The following SP6 variants were observed in gnomAD, a reference collection of about 807,000 sequenced individuals.
The protein encoded by SP6 is Sp6 transcription factor.
A neutral mutation model predicts 23.4 loss-of-function variants in SP6; 10 were observed. The ratio of observed to expected loss-of-function variants is 0.43; its 90% CI spans 0.26 to 0.72. The LOEUF (loss-of-function observed/expected upper bound fraction) is 0.72. Ranked by LOEUF, SP6 falls within the 30% of genes least tolerant of loss-of-function variation. The pLI is 0.23. For missense variants in SP6, 482 were observed against 523.8 expected, an observed-to-expected ratio of 0.92 and a Z score of 0.78; for synonymous variants, 238 against 238.7, an observed-to-expected ratio of 1.00 and a Z score of 0.03.
At chr17:47,870,033 C>G in the SP6 span, among the ~76,000 whole-genome samples, 1 of 152,152 alleles carries the variant, frequency 6.6e-6, no homozygotes, top group Admixed American at 6.5e-5. Context: ...CCTGGTGAGG[C>G]TAGATTCTCA....
At chr17:47,856,671 G>A (rs1050035274), upstream of SP6, among the ~76,000 whole-genome samples, 1 of 152,178 alleles carries the variant, frequency 6.6e-6, no homozygotes, top group Non-Finnish European at 1.5e-5. Flanking sequence ...AAACAGAAGA[G>A]TAAGACTTGT....
upstream of SP6, among the ~76,000 whole-genome samples, chr17:47,859,501 T>C (rs2034020913): frequency 6.6e-6 from 1 of 152,192 alleles, no homozygotes; most frequent in African/African-American, 2.4e-5. Context: ...GGGCAAGAAC[T>C]CTATCCTTTC....
the SP6 span, among the ~76,000 whole-genome samples, chr17:47,862,046 G>GA: frequency 0.011 from 1,370 of 122,618 alleles, 19 homozygotes; most frequent in East Asian, 0.044. Flanking sequence ...CCCTGTCTCA[G>GA]AAAAAAAAAA....
the SP6 span, among the ~76,000 whole-genome samples, chr17:47,870,301 A>G: frequency 1.3e-5 from 2 of 151,470 alleles, no homozygotes; most frequent in East Asian, 1.9e-4. Context: ...TACCCTCTCC[A>G]CCTCTCGTGG....
the SP6 span, among the ~76,000 whole-genome samples, chr17:47,868,431 A>G: frequency 6.7e-3 from 1,020 of 152,244 alleles, 14 homozygotes; most frequent in African/African-American, 0.021. Context: ...GGGACGACCC[A>G]AGTCTTGGAA....
upstream of SP6, chr17:47,851,262 G>A (rs1366745345): frequency 0.025 from 3 of 122 alleles, no homozygotes; most frequent in Admixed American, 0.12. Context: ...CGGCTGGACC[G>A]GAGCCCAGCC....
At chr17:47,870,629 C>T in the SP6 span, among the ~76,000 whole-genome samples, 4 of 152,118 alleles carry the variant, frequency 2.6e-5, no homozygotes, top group African/African-American at 9.7e-5. Flanking sequence ...GGGTCCTAAG[C>T]TTGCTGGGTT....
rs1178477673 is a variant in SP6, at chr17:47,845,882, G to C, written c.*1417C>G. 1 of 152,184 alleles carries C rather than the reference G, an allele frequency of 6.6e-6. No homozygotes were observed. Among genetic ancestry groups the C allele is most frequent in the East Asian group, 1.9e-4 (1 of 5,178 alleles). 9.4% of individuals were successfully genotyped at this position (152,184 alleles called of 1,614,324 possible). A position where few individuals can be genotyped will look rare whatever the true frequency, so the allele number is the denominator to read the frequency against. On this transcript the variant is annotated 3_prime_UTR_variant, in exon 2 of 2. Transcript: ENST00000536300. ...CTCTTGAGTGTGGGAAAGCCCTCCGGCTGCAAGGGCTGTGGCCTGTCAGAC... is the reference window on the plus strand; with the variant it reads ...CTCTTGAGTGTGGGAAAGCCCTCCGCCTGCAAGGGCTGTGGCCTGTCAGAC...
upstream of SP6, among the ~76,000 whole-genome samples, chr17:47,860,195 G>A (rs1046220097): frequency 6.6e-6 from 1 of 152,092 alleles, no homozygotes; most frequent in African/African-American, 2.4e-5. Flanking sequence ...GCCCCACACT[G>A]TTCCATGTGT....
At chr17:47,861,709 G>T in the SP6 span, among the ~76,000 whole-genome samples, 1 of 151,788 alleles carries the variant, frequency 6.6e-6, no homozygotes, top group Non-Finnish European at 1.5e-5. Context: ...CTCCAGCCTG[G>T]GTCTCACTCA....
At position 47,847,148 on chromosome 17, in the gene SP6, G is replaced by T; in HGVS notation, c.*151C>A. The T allele has an allele frequency of 1.3e-6, 1 of 799,288 alleles. No homozygotes were observed. Among genetic ancestry groups the T allele is most frequent in the African/African-American group, 1.7e-5 (1 of 57,590 alleles). 49.5% of individuals were successfully genotyped at this position (799,288 alleles called of 1,614,324 possible). ...GCCCCAGAGACTAAGAACCCCTAGCGCCCCATCTCCCTGTCCCTGCACCAC... is the reference window on the plus strand; with the variant it reads ...GCCCCAGAGACTAAGAACCCCTAGCTCCCCATCTCCCTGTCCCTGCACCAC... On this transcript the variant is annotated 3_prime_UTR_variant, in exon 2 of 2. Transcript: ENST00000536300.
chr17:47,853,119 C>T (rs938514288), upstream of SP6, among the ~76,000 whole-genome samples: 1 of 152,174 alleles, frequency 6.6e-6, no homozygotes, highest in African/African-American at 2.4e-5. Context: ...AAAGCAGCCA[C>T]CAAGCTAGAG....
upstream of SP6, among the ~76,000 whole-genome samples, chr17:47,860,036 C>G (rs573403930): frequency 6.6e-6 from 1 of 150,950 alleles, no homozygotes; most frequent in Non-Finnish European, 1.5e-5. Context: ...CATTCAATAG[C>G]CCCCCATTAC....
At chr17:47,869,329 G>A in the SP6 span, among the ~76,000 whole-genome samples, 1 of 152,230 alleles carries the variant, frequency 6.6e-6, no homozygotes, top group Non-Finnish European at 1.5e-5. Context: ...CTTTGGAGGG[G>A]TGTGGTCTGG....
upstream of SP6, among the ~76,000 whole-genome samples, chr17:47,856,501 G>C (rs1598064570): frequency 2.0e-5 from 3 of 152,278 alleles, no homozygotes; most frequent in Middle Eastern, 6.8e-3. Flanking sequence ...AGGTGGCCTG[G>C]AAAAGGGAGA....
chr17:47,862,368 T>C, the SP6 span, among the ~76,000 whole-genome samples: 4,475 of 135,990 alleles, frequency 0.033, 256 homozygotes, highest in African/African-American at 0.12. Context: ...AAAAATTGGG[T>C]GTGGTGGCAC....
chr17:47,861,042 C>T, the SP6 span, among the ~76,000 whole-genome samples: 4 of 152,098 alleles, frequency 2.6e-5, no homozygotes, highest in Non-Finnish European at 4.4e-5. Context: ...CGGAATCAGG[C>T]GGGTAGGGGG....
Position 47,845,184 on chromosome 17 carries a change from T to C in SP6, c.*2115A>G, listed in dbSNP as rs1480112391. 1.3e-5 allele frequency: 2 copies of C among 151,902 alleles called. No individual in the cohort carries two copies. Among genetic ancestry groups the C allele is most frequent in the Admixed American group, 6.6e-5 (1 of 15,262 alleles). 9.4% of individuals were successfully genotyped at this position (151,902 alleles called of 1,614,324 possible). A position where few individuals can be genotyped will look rare whatever the true frequency, so the allele number is the denominator to read the frequency against. On this transcript the variant is annotated 3_prime_UTR_variant, in exon 2 of 2. Coordinates refer to ENST00000536300, the MANE Select transcript of SP6 (RefSeq NM_001258248.2). ...CCACCAGCAACACCCATTTGGGAGT[T>C]CCCCTTAGGATGGCCACTGGAAAAG...
At chr17:47,857,576 C>T (rs4794203), upstream of SP6, among the ~76,000 whole-genome samples, 103,854 of 151,948 alleles carry the variant, frequency 0.68, 36,424 homozygotes, top group African/African-American at 0.82. Flanking sequence ...CCCCTGGCCT[C>T]TGGATCAGTC....
Sources: allele counts gnomAD v4.1 joint callset (sites outside exome capture counted in the v4.1 genomes callset), GRCh38; gene constraint gnomAD v4.1.1; transcripts MANE v1.5; gene names NCBI Gene and HGNC (gene_info 2026-07-23, HGNC 2026-07-21).